Variants in TMEM244 observed in about 807,000 individuals in gnomAD.
The protein encoded by TMEM244 is putative transmembrane protein 244.
Under a neutral mutation model 15.8 loss-of-function variants are expected in TMEM244, and 13 were observed. The observed-to-expected ratio is 0.82, with a 90% CI of 0.53 to 1.30. The LOEUF is 1.30. Among genes scored for constraint, TMEM244 ranks in the 50% most tolerant of loss-of-function variants. The probability of loss-of-function intolerance (pLI) is 0.00; values close to 1 mark genes in which losing one functional copy is unlikely to be tolerated. For synonymous variants in TMEM244, 45 were observed against 48.7 expected (o/e 0.92, Z 0.32); for missense variants, 161 against 144.9 (o/e 1.11, Z -0.57).
At chr6:129,834,104 T>C (rs935589422) in intron 3 of TMEM244, among the ~76,000 whole-genome samples, 7 of 152,198 alleles carry the variant, frequency 4.6e-5, no homozygotes, top group African/African-American at 1.4e-4. Flanking sequence ...GAAACATAAC[T>C]GATAACCATG....
At position 129,849,753 on chromosome 6, in the gene TMEM244, C is replaced by A. The variant is rs12333228; in HGVS notation, c.34-3901G>T. Among the ~76,000 whole-genome samples the A allele has an allele frequency of 6.3e-3, 962 of 152,072 alleles. 16 individuals are homozygous for A. The highest frequency in any genetic ancestry group is 0.022 in the African/African-American group (923 of 41,502). ...TTACCACACTTTGAGAACTACTGATCTGGAGGCAAGAATGAGTCAAGAAAT... is the reference window on the plus strand; with the variant it reads ...TTACCACACTTTGAGAACTACTGATATGGAGGCAAGAATGAGTCAAGAAAT... On this transcript the variant is annotated intron_variant, in intron 1 of 4. Transcript: ENST00000368143.
chr6:129,831,486 A>C, intron 4 of TMEM244, 100 bp from the exon 5 acceptor site: 1 of 813,478 alleles, frequency 1.2e-6, no homozygotes, highest in South Asian at 1.6e-5. Flanking sequence ...ACTCAACAAG[A>C]GAAGGTTTAT....
chr6:129,853,464 T>C (rs1247026896), intron 1 of TMEM244, among the ~76,000 whole-genome samples: 3 of 116,900 alleles, frequency 2.6e-5, no homozygotes, highest in Non-Finnish European at 4.1e-5. Context: ...AGCTTCCACC[T>C]TTTTTTTTTA....
rs1022670610 is a variant in TMEM244, at chr6:129,831,252, T to C, written c.*67A>G. ...TCTTAGAAAGACAATAATTGTAAAA[T>C]CTATGAGAAAATAAAATATATTTCC... On this transcript the variant is annotated 3_prime_UTR_variant, in exon 5 of 5. Coordinates refer to ENST00000368143, the MANE Select transcript of TMEM244 (RefSeq NM_001010876.2). The C allele has an allele frequency of 2.1e-6, 2 of 968,580 alleles. No individual in the cohort carries two copies. The highest frequency in any genetic ancestry group is 3.2e-6 in the Non-Finnish European group (2 of 623,186). 60.0% of individuals were successfully genotyped at this position (968,580 alleles called of 1,614,324 possible).
chr6:129,842,430 G>A (rs565126206), intron 3 of TMEM244, among the ~76,000 whole-genome samples: 3 of 152,206 alleles, frequency 2.0e-5, no homozygotes, highest in South Asian at 4.2e-4. Flanking sequence ...AATCAATAAT[G>A]GCACCAAACA....
At chr6:129,849,155 C>G (rs944432838) in intron 1 of TMEM244, among the ~76,000 whole-genome samples, 7 of 151,878 alleles carry the variant, frequency 4.6e-5, no homozygotes, top group African/African-American at 1.7e-4. Flanking sequence ...CATAGAGATA[C>G]ACTTACTTTT....
chr6:129,860,449 A>G (rs555623405), intron 1 of TMEM244, among the ~76,000 whole-genome samples: 1 of 152,258 alleles, frequency 6.6e-6, no homozygotes, highest in African/African-American at 2.4e-5. Context: ...GTAAAGAAAA[A>G]GCTTGAGGAA....
In TMEM244 at chr6:129,846,437, T is replaced by C. The variant is rs114520920; in HGVS notation, c.34-585A>G. Among the ~76,000 whole-genome samples, 6 of 152,332 alleles carry C rather than the reference T, an allele frequency of 3.9e-5. No individual in the cohort carries two copies. In the East Asian group the frequency reaches 9.6e-4, roughly 24 times the overall value. ...AATATATTTGTTGACAAATTTTATATAGAGATACACTTACTTTTCCTGACA... is the reference window on the plus strand; with the variant it reads ...AATATATTTGTTGACAAATTTTATACAGAGATACACTTACTTTTCCTGACA... On this transcript the variant is annotated intron_variant, in intron 1 of 4. Transcript: ENST00000368143.
chr6:129,852,242 A>G (rs536819015), intron 1 of TMEM244, among the ~76,000 whole-genome samples: 272 of 152,256 alleles, frequency 1.8e-3, no homozygotes, highest in Non-Finnish European at 3.1e-3. Flanking sequence ...TTAAAAAATA[A>G]ATTTATTCAA....
At chr6:129,859,753 AG>A (rs1776774118) in intron 1 of TMEM244, among the ~76,000 whole-genome samples, 1 of 152,230 alleles carries the variant, frequency 6.6e-6, no homozygotes, top group Non-Finnish European at 1.5e-5. Flanking sequence ...GTGTACAGAT[AG>A]GGGGGATTTA....
chr6:129,860,813 CAA>C (rs11480627), intron 1 of TMEM244, among the ~76,000 whole-genome samples: 8 of 127,306 alleles, frequency 6.3e-5, no homozygotes, highest in Admixed American at 1.6e-4. Flanking sequence ...CCACTCCCTG[CAA>C]AAAAAAAAAA....
At chr6:129,848,831 A>G (rs893608856) in intron 1 of TMEM244, among the ~76,000 whole-genome samples, 2 of 152,188 alleles carry the variant, frequency 1.3e-5, no homozygotes, top group Non-Finnish European at 2.9e-5. Context: ...TAATTTGAAC[A>G]TTAATAGCCT....
chr6:129,861,141 G>A lies in TMEM244; in HGVS notation c.33+15C>T, dbSNP rs760246001. ...AGCAACTGAAAGGCAATGCAAAGAA[G>A]TAATTTCTCTTTACCTTGCTTGGAG... On this transcript the variant is annotated intron_variant, in intron 1 of 4. Coordinates refer to ENST00000368143, the MANE Select transcript of TMEM244 (RefSeq NM_001010876.2). 6 of 1,613,470 alleles carry A rather than the reference G, an allele frequency of 3.7e-6. No individual in the cohort carries two copies. Among genetic ancestry groups the A allele is most frequent in the East Asian group, 2.2e-5 (1 of 44,862 alleles).
chr6:129,852,782 ACAAAC>A (rs1306527649), intron 1 of TMEM244, among the ~76,000 whole-genome samples: 1 of 152,122 alleles, frequency 6.6e-6, no homozygotes, highest in Non-Finnish European at 1.5e-5. Flanking sequence ...GGTGCCAGCC[ACAAAC>A]CATTCTAGGT....
chr6:129,833,542 C>A lies in TMEM244; in HGVS notation c.237G>T (p.Leu79Phe). 1 of 1,612,702 alleles carries A rather than the reference C, an allele frequency of 6.2e-7. No homozygotes were observed. The highest frequency in any genetic ancestry group is 1.1e-5 in the South Asian group (1 of 90,930). ...STEVTYFVCGLFFVPVVEEWV... is the reference protein window; with the variant it reads ...STEVTYFVCGFFFVPVVEEWV... ...ATTCTTCCACAACTGGAACAAAAAACAATCCACAAACAAAGTAGGTGACCT... is the reference window on the plus strand; with the variant it reads ...ATTCTTCCACAACTGGAACAAAAAAAAATCCACAAACAAAGTAGGTGACCT... Residue 79 changes from leucine (L) to phenylalanine (F), a missense_variant, in exon 4 of 5, where the codon TTG (leucine) becomes TTT (phenylalanine). Coordinates refer to ENST00000368143, the MANE Select transcript of TMEM244 (RefSeq NM_001010876.2).
intron 1 of TMEM244, among the ~76,000 whole-genome samples, chr6:129,846,490 AGT>A (rs1469707260): frequency 1.3e-5 from 2 of 152,204 alleles, no homozygotes; most frequent in Non-Finnish European, 2.9e-5. Context: ...ATATTAAAAA[AGT>A]GTTGCTGCCT....
intron 3 of TMEM244, among the ~76,000 whole-genome samples, chr6:129,833,963 T>C (rs2114632087): frequency 6.6e-6 from 1 of 152,192 alleles, no homozygotes; most frequent in East Asian, 1.9e-4. Context: ...TTTTAAGAAA[T>C]GAAAAAAAAT....
At chr6:129,836,864 C>G (rs143077797) in intron 3 of TMEM244, among the ~76,000 whole-genome samples, 1,921 of 151,942 alleles carry the variant, frequency 0.013, 43 homozygotes, top group African/African-American at 0.041. Flanking sequence ...AGTGAGAAGA[C>G]AAGATTAGAG....
At chr6:129,854,629 GT>G (rs1213528567) in intron 1 of TMEM244, among the ~76,000 whole-genome samples, 1 of 152,072 alleles carries the variant, frequency 6.6e-6, no homozygotes, top group Non-Finnish European at 1.5e-5. Context: ...GAGAAATTAA[GT>G]GATTTTCACA....
Sources: gnomAD v4.1 joint callset for allele counts (sites outside exome capture counted in the v4.1 genomes callset) on GRCh38, gnomAD v4.1.1 for gene constraint, MANE v1.5 for transcripts, NCBI Gene and HGNC (gene_info 2026-07-23, HGNC 2026-07-21) for gene names.